Variants in KCNT2 observed in about 807,000 individuals in gnomAD.
KCNT2 encodes potassium sodium-activated channel subfamily T member 2, also known as potassium channel subfamily T member 2.
In KCNT2, 67 loss-of-function variants were observed where a neutral mutation model predicts 153.8. That is an observed-to-expected ratio of 0.44 (90% CI 0.36 to 0.53). KCNT2 has a LOEUF of 0.53. KCNT2 is among the 20% of genes least tolerant of loss of function. The pLI, the probability that KCNT2 is intolerant of heterozygous loss-of-function variation, is 0.00. For missense variants in KCNT2, 975 were observed against 1,354.8 expected (o/e 0.72, Z 4.40); for synonymous variants, 500 against 458.8 (o/e 1.09, Z -1.15).
Position 196,469,037 on chromosome 1 carries a change from G to C in KCNT2, c.416C>G (p.Pro139Arg). The C allele has an allele frequency of 6.2e-7, 1 of 1,600,846 alleles. No individual in the cohort carries two copies. The highest frequency in any genetic ancestry group is 8.5e-7 in the Non-Finnish European group (1 of 1,171,394). Residue 139 changes from proline to arginine, a missense_variant, in exon 6 of 28, where the codon CCC becomes CGC. Physicochemically the swap from Pro to Arg is moderately radical, Grantham distance 103 (BLOSUM62 -2). This residue lies in a region of KCNT2 where 140 missense variants were observed against 216.0 expected (regional missense o/e 0.65). Transcript: ENST00000294725. ...TGCATTAATTATTTCCAAGATGAAG[G>C]GTATTCGTAAAATCTGTTCCCAGAT... ...GNIWEQILRI[P>R]FILEIINAVP...
intron 22 of KCNT2, among the ~76,000 whole-genome samples, chr1:196,299,055 G>C (rs191844832): frequency 1.3e-5 from 2 of 152,048 alleles, no homozygotes; most frequent in African/African-American, 4.8e-5. Flanking sequence ...AAGCAGTCTT[G>C]AAGCAAATTG....
intron 2 of KCNT2, among the ~76,000 whole-genome samples, chr1:196,490,611 C>A (rs1379928588): frequency 1.3e-5 from 2 of 151,064 alleles, no homozygotes; most frequent in African/African-American, 2.4e-5. Flanking sequence ...AAATTAAATT[C>A]TATTTTTAAC....
chr1:196,409,656 G>C (rs540192808), intron 12 of KCNT2, among the ~76,000 whole-genome samples: 1 of 151,488 alleles, frequency 6.6e-6, no homozygotes, highest in South Asian at 2.1e-4. Context: ...TTATAATGTA[G>C]GTCTATTGGC....
At chr1:196,373,882 C>T (rs1285418016) in intron 13 of KCNT2, among the ~76,000 whole-genome samples, 1 of 151,700 alleles carries the variant, frequency 6.6e-6, no homozygotes, top group African/African-American at 2.4e-5. Flanking sequence ...ATGATAGGGT[C>T]CAACCAGAAA....
rs201528484 is a variant in KCNT2, at chr1:196,437,005, AATATACATATATTT to A, written c.639-7262_639-7249del. ...ATTTAATATTGTTTTGTGACTGGGA[AATATACATATATTT>A]ATATACATAAATATATATCATATAT... On this transcript the variant is annotated intron_variant, in intron 8 of 27. Transcript: ENST00000294725. Among the ~76,000 whole-genome samples, 176 of 48,394 alleles carry A rather than the reference AATATACATATATTT, an allele frequency of 3.6e-3. 1 individual carries two copies. Among genetic ancestry groups the A allele is most frequent in the Non-Finnish European group, 5.2e-3 (116 of 22,148 alleles). The allele number at this position is 48,394 out of a possible 152,430, so 31.7% of individuals were successfully genotyped here.
At chr1:196,426,076 G>C (rs1673633969) in intron 10 of KCNT2, 88 bp from the exon 11 acceptor site, 2 of 997,128 alleles carry the variant, frequency 2.0e-6, no homozygotes, top group African/African-American at 1.7e-5. Flanking sequence ...AGAAAAATTT[G>C]AAATATGATA....
At chr1:196,377,880 G>A (rs1669108180) in intron 13 of KCNT2, among the ~76,000 whole-genome samples, 1 of 152,098 alleles carries the variant, frequency 6.6e-6, no homozygotes, top group African/African-American at 2.4e-5. Context: ...AGATTAAAGT[G>A]CAGTGCTGCC....
chr1:196,334,068 A>G lies in KCNT2; in HGVS notation c.1784-8T>C. The stretch of plus-strand genomic sequence containing the variant: ...AGTCTATAGCCACAGTACCTAAAAC[A>G]ATAAAACATGAAAATTTATCAAGGC... On this transcript the variant is annotated splice_polypyrimidine_tract_variant and splice_region_variant and intron_variant, in intron 16 of 27. Transcript: ENST00000294725. 6.2e-7 allele frequency: 1 copy of G among 1,601,958 alleles called. No individual in the cohort carries two copies. Among genetic ancestry groups the G allele is most frequent in the Non-Finnish European group, 8.5e-7 (1 of 1,170,036 alleles).
chr1:196,319,743 A>G (rs1446109485), intron 19 of KCNT2, among the ~76,000 whole-genome samples, 188 bp from the exon 20 acceptor site: 1 of 151,836 alleles, frequency 6.6e-6, no homozygotes, highest in Non-Finnish European at 1.5e-5. Context: ...GAATCATAAA[A>G]TGCCCTCAGA....
At chr1:196,483,164 G>A (rs1312248058) in intron 3 of KCNT2, among the ~76,000 whole-genome samples, 1 of 152,108 alleles carries the variant, frequency 6.6e-6, no homozygotes, top group Non-Finnish European at 1.5e-5. Flanking sequence ...AGTAAACGGT[G>A]CCAAATCTCA....
At chr1:196,562,625 G>A (rs1659562204) in intron 1 of KCNT2, among the ~76,000 whole-genome samples, 1 of 150,614 alleles carries the variant, frequency 6.6e-6, no homozygotes, top group African/African-American at 2.4e-5. Flanking sequence ...GGAACTGGGG[G>A]AAAAAAACAA....
At chr1:196,579,408 TATGGCA>T (rs1661751186) in intron 1 of KCNT2, among the ~76,000 whole-genome samples, 2 of 152,010 alleles carry the variant, frequency 1.3e-5, no homozygotes. Flanking sequence ...AAATAATCTG[TATGGCA>T]AACTCCCATG....
intron 19 of KCNT2, among the ~76,000 whole-genome samples, chr1:196,320,650 G>A (rs946820727): frequency 6.0e-5 from 9 of 150,526 alleles, no homozygotes; most frequent in African/African-American, 1.7e-4. Flanking sequence ...TCTCCTGTTG[G>A]TCATCCTTCT....
intron 8 of KCNT2, among the ~76,000 whole-genome samples, chr1:196,438,998 A>G (rs1674978090): frequency 6.6e-6 from 1 of 151,916 alleles, no homozygotes; most frequent in African/African-American, 2.4e-5. Flanking sequence ...AATGTTAAGT[A>G]TACCTATTTT....
chr1:196,572,021 T>C (rs1660835708), intron 1 of KCNT2, among the ~76,000 whole-genome samples: 1 of 152,140 alleles, frequency 6.6e-6, no homozygotes, highest in Non-Finnish European at 1.5e-5. Flanking sequence ...GAAATGGTTC[T>C]ATGTACACCT....
intron 20 of KCNT2, among the ~76,000 whole-genome samples, chr1:196,318,583 G>T (rs1157804458): frequency 6.6e-6 from 1 of 151,672 alleles, no homozygotes; most frequent in African/African-American, 2.4e-5. Context: ...AAGATGATTG[G>T]TTATAAAACA....
intron 12 of KCNT2, among the ~76,000 whole-genome samples, chr1:196,409,255 T>C (rs1056195391): frequency 2.0e-5 from 3 of 151,424 alleles, no homozygotes; most frequent in African/African-American, 7.3e-5. Context: ...CTATTCTTTG[T>C]TCCCTTTTAT....
At chr1:196,503,106 G>C (rs1387181283) in intron 1 of KCNT2, among the ~76,000 whole-genome samples, 2 of 151,514 alleles carry the variant, frequency 1.3e-5, no homozygotes, top group Admixed American at 1.3e-4. Flanking sequence ...ATTTAGGCCT[G>C]TAATAAATTA....
chr1:196,246,346 A>C (rs1655445483), intron 26 of KCNT2, among the ~76,000 whole-genome samples: 1 of 152,222 alleles, frequency 6.6e-6, no homozygotes, highest in African/African-American at 2.4e-5. Flanking sequence ...GATTTCATCA[A>C]CACCAGACCT....
Sources: allele counts gnomAD v4.1 joint callset (sites outside exome capture counted in the v4.1 genomes callset), GRCh38; gene constraint gnomAD v4.1.1; regional missense constraint gnomAD v4.1.1; transcripts MANE v1.5; gene names NCBI Gene and HGNC (gene_info 2026-07-23, HGNC 2026-07-21).